Variants in STXBP6 observed in about 807,000 individuals in gnomAD.
STXBP6 encodes the protein syntaxin binding protein 6.
Under a neutral mutation model 26.9 loss-of-function variants are expected in STXBP6, and 21 were observed. The observed-to-expected ratio is 0.78, with a 90% confidence interval of 0.55 to 1.12. The LOEUF is 1.12. STXBP6 is among the 50% of genes most tolerant of loss of function. The pLI is 0.00. For synonymous variants in STXBP6, 97 were observed against 92.6 expected (o/e 1.05, Z -0.27); for missense variants, 232 against 257.9 (o/e 0.90, Z 0.69).
intron 4 of STXBP6, among the ~76,000 whole-genome samples, chr14:24,852,883 A>G (rs854322): frequency 0.24 from 36,027 of 151,994 alleles, 4,656 homozygotes; most frequent in East Asian, 0.55. Flanking sequence ...AGGAGCCAAT[A>G]AGTGGGCCTG....
chr14:24,864,434 A>T (rs2069646846), intron 2 of STXBP6, among the ~76,000 whole-genome samples: 1 of 152,134 alleles, frequency 6.6e-6, no homozygotes, highest in Non-Finnish European at 1.5e-5. Context: ...AACCCTTTAC[A>T]ATGAGAAGAG....
Position 24,812,526 on chromosome 14 carries a change from A to G in STXBP6, c.*183T>C. 1.6e-6 allele frequency: 1 copy of G among 615,036 alleles called. No homozygotes were observed. Among genetic ancestry groups the G allele is most frequent in the East Asian group, 2.8e-5 (1 of 36,064 alleles). The allele number at this position is 615,036 out of a possible 1,614,324, so 38.1% of individuals were successfully genotyped here. ...TGTAGCATTTATTAGCAAGATCATTAGGGAAATGTAAAAATGCAACACCCT... is the reference window on the plus strand; with the variant it reads ...TGTAGCATTTATTAGCAAGATCATTGGGGAAATGTAAAAATGCAACACCCT... On this transcript the variant is annotated 3_prime_UTR_variant, in exon 6 of 6. Transcript: ENST00000323944.
chr14:24,926,751 T>C (rs1445836276), intron 2 of STXBP6, among the ~76,000 whole-genome samples: 1 of 152,170 alleles, frequency 6.6e-6, no homozygotes, highest in Non-Finnish European at 1.5e-5. Flanking sequence ...GCTCTACACC[T>C]AACTACGTGT....
At chr14:24,922,644 C>T (rs2072021581) in intron 2 of STXBP6, among the ~76,000 whole-genome samples, 1 of 152,090 alleles carries the variant, frequency 6.6e-6, no homozygotes, top group Non-Finnish European at 1.5e-5. Context: ...GCAGCCTTGA[C>T]ACCAGGTAAA....
chr14:25,027,630 C>CT (rs2075372890), intron 1 of STXBP6, among the ~76,000 whole-genome samples: 3 of 152,182 alleles, frequency 2.0e-5, no homozygotes, highest in Non-Finnish European at 4.4e-5. Context: ...ACAATTGACT[C>CT]TAAGTGTTCA....
intron 1 of STXBP6, among the ~76,000 whole-genome samples, chr14:25,006,789 C>T (rs928599949): frequency 7.9e-5 from 12 of 152,046 alleles, no homozygotes; most frequent in Admixed American, 5.9e-4. Context: ...TCAATCACAT[C>T]TTAGATTCAG....
At chr14:24,836,841 A>G (rs1594935507) in intron 4 of STXBP6, among the ~76,000 whole-genome samples, 2 of 152,134 alleles carry the variant, frequency 1.3e-5, no homozygotes, top group East Asian at 3.9e-4. Context: ...GACTCTAATT[A>G]AGCACTTTTA....
At chr14:24,827,601 G>A (rs1420623653) in intron 4 of STXBP6, among the ~76,000 whole-genome samples, 1 of 152,078 alleles carries the variant, frequency 6.6e-6, no homozygotes, top group Non-Finnish European at 1.5e-5. Flanking sequence ...TCTCAGCAAG[G>A]TTTCTTTACT....
At position 24,857,161 on chromosome 14, in the gene STXBP6, C is replaced by A. The variant is rs1342188815; in HGVS notation, c.155-4G>T. On this transcript the variant is annotated splice_polypyrimidine_tract_variant and splice_region_variant and intron_variant, in intron 2 of 5. Transcript: ENST00000323944. ...TGTGTGGGTTTCTTGTTTGTCACTG[C>A]CAAGAAAAGATCACTCAGATTAGTG... is the stretch of plus-strand genomic sequence containing the variant. 2.5e-6 allele frequency: 4 copies of A among 1,612,412 alleles called. No homozygotes were observed. The highest frequency in any genetic ancestry group is 2.5e-6 in the Non-Finnish European group (3 of 1,178,958).
At chr14:24,901,821 A>C (rs2071224110) in intron 2 of STXBP6, among the ~76,000 whole-genome samples, 1 of 151,050 alleles carries the variant, frequency 6.6e-6, no homozygotes, top group Non-Finnish European at 1.5e-5. Flanking sequence ...AACTATGGTG[A>C]TAAGAATCAG....
At chr14:25,006,316 T>C (rs985943178) in intron 1 of STXBP6, among the ~76,000 whole-genome samples, 18 of 152,218 alleles carry the variant, frequency 1.2e-4, no homozygotes, top group African/African-American at 4.1e-4. Context: ...ACATGGATTA[T>C]GCTGAGAAGC....
At chr14:24,933,128 C>T (rs566654458) in intron 2 of STXBP6, among the ~76,000 whole-genome samples, 1 of 152,246 alleles carries the variant, frequency 6.6e-6, no homozygotes, top group East Asian at 1.9e-4. Context: ...ATTGCTTGAT[C>T]TCAGGAGTTT....
intron 2 of STXBP6, among the ~76,000 whole-genome samples, chr14:24,966,389 GA>G (rs5807270): frequency 0.56 from 79,976 of 142,258 alleles, 21,863 homozygotes; most frequent in African/African-American, 0.59. Flanking sequence ...CCCTGTCTTG[GA>G]AAAAAAAAAA....
At chr14:24,989,181 A>T (rs1370901061) in intron 1 of STXBP6, among the ~76,000 whole-genome samples, 1 of 152,060 alleles carries the variant, frequency 6.6e-6, no homozygotes, top group Non-Finnish European at 1.5e-5. Flanking sequence ...CCACCATCCA[A>T]ACTGAGGCTG....
At chr14:24,839,733 T>C (rs1251409870) in intron 4 of STXBP6, among the ~76,000 whole-genome samples, 1 of 152,180 alleles carries the variant, frequency 6.6e-6, no homozygotes, top group Non-Finnish European at 1.5e-5. Flanking sequence ...TCAAAACAAC[T>C]TTGGGAGATA....
At position 24,819,162 on chromosome 14, in the gene STXBP6, C is replaced by T. The variant is rs568903698; in HGVS notation, c.484G>A (p.Val162Met). Residue 162 changes from valine (V) to methionine (M), a missense_variant, in exon 5 of 6, where the codon GTG becomes ATG. Physicochemically the swap from Val to Met is conservative, Grantham distance 21. Transcript: ENST00000323944. ...NSILHSAADS[V>M]TSAVQKASQA... ...CTTGCCTTCTGCACTGCGCTGGTCA[C>T]GCTGTCAGCAGCTGAATGGAGGATG... is the stretch of plus-strand genomic sequence containing the variant. The T allele has an allele frequency of 8.1e-6, 13 of 1,614,126 alleles. No individual in the cohort carries two copies. The highest frequency in any genetic ancestry group is 1.6e-4 in the Middle Eastern group (1 of 6,062).
intron 2 of STXBP6, among the ~76,000 whole-genome samples, chr14:24,895,402 C>G (rs2070951646): frequency 6.6e-6 from 1 of 152,200 alleles, no homozygotes; most frequent in African/African-American, 2.4e-5. Context: ...GTTCTGACTT[C>G]AACAACAGGA....
chr14:24,901,936 A>G (rs151164456), intron 2 of STXBP6, among the ~76,000 whole-genome samples: 8 of 152,266 alleles, frequency 5.3e-5, no homozygotes, highest in East Asian at 1.9e-4. Flanking sequence ...ATGGTGTTCA[A>G]ATAGGTGTTC....
chr14:24,832,122 T>C (rs2068471431), intron 4 of STXBP6, among the ~76,000 whole-genome samples: 1 of 152,214 alleles, frequency 6.6e-6, no homozygotes, highest in African/African-American at 2.4e-5. Context: ...CCCTTATCTT[T>C]TGGAGAACTT....
Sources: allele counts gnomAD v4.1 joint callset (sites outside exome capture counted in the v4.1 genomes callset), GRCh38; gene constraint gnomAD v4.1.1; transcripts MANE v1.5; gene names NCBI Gene and HGNC (gene_info 2026-07-23, HGNC 2026-07-21).